DRC8: variants seen among roughly 807,000 people sequenced by gnomAD.
The protein encoded by DRC8 is dynein regulatory complex protein 8.
At chr1:245,022,153 T>TTC in the DRC8 span, among the ~76,000 whole-genome samples, 1 of 151,854 alleles carries the variant, frequency 6.6e-6, no homozygotes, top group Admixed American at 6.6e-5. Flanking sequence ...CACAGACTTT[T>TTC]TTTTTTTTTT....
chr1:245,071,777 G>A, the DRC8 span, among the ~76,000 whole-genome samples: 7 of 152,136 alleles, frequency 4.6e-5, no homozygotes, highest in East Asian at 3.8e-4. Flanking sequence ...TTAGTCACAC[G>A]GTTGTTTGTA....
the DRC8 span, among the ~76,000 whole-genome samples, chr1:245,085,595 C>A: frequency 6.6e-6 from 1 of 152,158 alleles, no homozygotes; most frequent in Non-Finnish European, 1.5e-5. Context: ...CTTACTGGGA[C>A]TAAATTGTGG....
chr1:245,047,905 G>A, the DRC8 span, among the ~76,000 whole-genome samples: 1 of 151,024 alleles, frequency 6.6e-6, no homozygotes, highest in African/African-American at 2.4e-5. Flanking sequence ...AACCCCAGAG[G>A]CGGAGGTTGC....
the DRC8 span, among the ~76,000 whole-genome samples, chr1:245,067,746 T>C: frequency 1.3e-5 from 2 of 152,344 alleles, no homozygotes; most frequent in East Asian, 3.9e-4. Flanking sequence ...ATTGAGCTTC[T>C]GGAAGAGCCC....
chr1:245,087,032 C>T, the DRC8 span: 1 of 670,010 alleles, frequency 1.5e-6, no homozygotes. Flanking sequence ...ATGACATCTG[C>T]AGGCTAAAAG....
the DRC8 span, among the ~76,000 whole-genome samples, chr1:245,110,446 G>A: frequency 1.3e-5 from 2 of 152,140 alleles, no homozygotes; most frequent in African/African-American, 2.4e-5. Context: ...TGTTGACTTT[G>A]TTTCAATACC....
At chr1:244,986,241 C>G in the DRC8 span, among the ~76,000 whole-genome samples, 3 of 152,166 alleles carry the variant, frequency 2.0e-5, no homozygotes, top group Admixed American at 2.0e-4. Context: ...AGGCATGAGC[C>G]ACCATGCCTG....
the DRC8 span, chr1:245,087,230 T>C: frequency 1.3e-6 from 2 of 1,599,252 alleles, no homozygotes; most frequent in Admixed American, 3.7e-5. Context: ...AAATTTTCCT[T>C]TTTGTCTCTC....
chr1:245,075,107 T>G, the DRC8 span, among the ~76,000 whole-genome samples: 2 of 152,320 alleles, frequency 1.3e-5, no homozygotes, highest in South Asian at 2.1e-4. Flanking sequence ...GAAAGGAATT[T>G]TCACGGTGTG....
chr1:244,995,163 CCATCCTGGCCAA>C, the DRC8 span, among the ~76,000 whole-genome samples: 2 of 152,054 alleles, frequency 1.3e-5, no homozygotes, highest in African/African-American at 2.4e-5. Context: ...GAGATCCAGA[CCATCCTGGCCAA>C]CATGGCGAAA....
the DRC8 span, among the ~76,000 whole-genome samples, chr1:245,057,089 C>T: frequency 4.6e-5 from 7 of 152,190 alleles, no homozygotes; most frequent in South Asian, 1.0e-3. Flanking sequence ...GGTGTAGTTA[C>T]AGCTCGAAGT....
the DRC8 span, among the ~76,000 whole-genome samples, chr1:244,976,346 C>A: frequency 1.3e-5 from 2 of 152,102 alleles, no homozygotes; most frequent in African/African-American, 2.4e-5. Context: ...ATAATGCATT[C>A]CTGCATATTT....
At chr1:245,011,383 A>T in the DRC8 span, among the ~76,000 whole-genome samples, 2 of 152,246 alleles carry the variant, frequency 1.3e-5, no homozygotes, top group Admixed American at 6.5e-5. Flanking sequence ...AGTACCATTC[A>T]TGAAGTGAAA....
the DRC8 span, among the ~76,000 whole-genome samples, chr1:245,120,981 G>A: frequency 6.6e-6 from 1 of 152,230 alleles, no homozygotes; most frequent in Non-Finnish European, 1.5e-5. Flanking sequence ...AGGTTCATCT[G>A]GGTTTGTCAA....
chr1:244,976,902 C>T, the DRC8 span, among the ~76,000 whole-genome samples: 3 of 152,266 alleles, frequency 2.0e-5, no homozygotes, highest in Admixed American at 6.5e-5. Context: ...TGTCCATCAG[C>T]GGATGAATGA....
At chr1:245,042,187 A>G in the DRC8 span, among the ~76,000 whole-genome samples, 1 of 152,264 alleles carries the variant, frequency 6.6e-6, no homozygotes, top group Non-Finnish European at 1.5e-5. Context: ...GCCATGGCAC[A>G]TGAAAAGTGA....
At chr1:245,078,247 A>G in the DRC8 span, among the ~76,000 whole-genome samples, 1 of 152,214 alleles carries the variant, frequency 6.6e-6, no homozygotes. Flanking sequence ...AAATTGGCAC[A>G]GCCACTACGG....
chr1:245,080,451 A>AC, the DRC8 span, among the ~76,000 whole-genome samples: 4 of 152,192 alleles, frequency 2.6e-5, no homozygotes, highest in Non-Finnish European at 4.4e-5. Context: ...CTTAATACGT[A>AC]TTATGATGAT....
the DRC8 span, among the ~76,000 whole-genome samples, chr1:245,020,056 C>T: frequency 6.8e-6 from 1 of 146,150 alleles, no homozygotes; most frequent in East Asian, 2.0e-4. Context: ...CCTGGAGACG[C>T]CCCCCGCCCC....
Sources: allele counts gnomAD v4.1 joint callset (sites outside exome capture counted in the v4.1 genomes callset), GRCh38; gene constraint gnomAD v4.1.1; transcripts MANE v1.5; gene names NCBI Gene and HGNC (gene_info 2026-07-23, HGNC 2026-07-21).